Variants in LARGE1 observed in about 807,000 individuals in gnomAD.
LARGE1 encodes the protein LARGE xylosyl- and glucuronyltransferase 1.
LARGE1 carries 43 observed loss-of-function variants against 87.6 expected under a neutral mutation model. That is an observed-to-expected ratio of 0.49 (90% CI 0.38 to 0.63). The LOEUF is 0.63. LARGE1 is among the 30% of genes least tolerant of loss of function. The pLI, the probability that LARGE1 is intolerant of heterozygous loss-of-function variation, is 0.00. For missense variants in LARGE1, 802 were observed against 1,000.2 expected, an observed-to-expected ratio of 0.80 and a Z score of 2.67; for synonymous variants, 434 against 394.6, an observed-to-expected ratio of 1.10 and a Z score of -1.18.
At chr22:33,078,279 T>G in the LARGE1 span, among the ~76,000 whole-genome samples, 6 of 152,226 alleles carry the variant, frequency 3.9e-5, no homozygotes, top group Admixed American at 1.3e-4. Flanking sequence ...TTAGCCATAT[T>G]CATATGAGGC....
intron 12 of LARGE1, among the ~76,000 whole-genome samples, chr22:33,291,291 G>C (rs1053438666): frequency 6.6e-6 from 1 of 152,172 alleles, no homozygotes; most frequent in Non-Finnish European, 1.5e-5. Flanking sequence ...GGTCCAATCA[G>C]ACCCATCCTG....
At chr22:33,472,626 C>G (rs1308389984) in intron 6 of LARGE1, among the ~76,000 whole-genome samples, 1 of 152,182 alleles carries the variant, frequency 6.6e-6, no homozygotes, top group Non-Finnish European at 1.5e-5. Flanking sequence ...CCTCTCATGA[C>G]TTTCAAATGT....
chr22:33,188,054 C>T (rs899402305), intron 11 of LARGE1, among the ~76,000 whole-genome samples: 11 of 147,636 alleles, frequency 7.5e-5, no homozygotes, highest in East Asian at 2.1e-4. Flanking sequence ...CATTCCACAA[C>T]GTATGCATAT....
At chr22:33,409,191 T>C (rs2066216813) in intron 7 of LARGE1, among the ~76,000 whole-genome samples, 1 of 152,044 alleles carries the variant, frequency 6.6e-6, no homozygotes, top group Non-Finnish European at 1.5e-5. Context: ...AAATGTCAAA[T>C]ATGCAATAAA....
intron 6 of LARGE1, among the ~76,000 whole-genome samples, chr22:33,459,903 A>T (rs934552610): frequency 1.4e-4 from 21 of 152,340 alleles, no homozygotes; most frequent in African/African-American, 4.6e-4. Flanking sequence ...CCTGCTCTGT[A>T]AGCTGGTCCA....
chr22:33,858,845 G>A (rs369756948), intron 1 of LARGE1, among the ~76,000 whole-genome samples: 51 of 152,280 alleles, frequency 3.3e-4, no homozygotes, highest in African/African-American at 1.1e-3. Flanking sequence ...TACACACCAC[G>A]GAATACTATG....
intron 6 of LARGE1, 93 bp from the exon 7 acceptor site, chr22:33,432,358 CACA>C (rs1359174882): frequency 1.0e-5 from 9 of 902,814 alleles, no homozygotes; most frequent in Non-Finnish European, 1.5e-5. Context: ...GGCAAATCAT[CACA>C]ACAACAGTAT....
chr22:33,480,704 CA>C (rs1174709061), intron 6 of LARGE1, among the ~76,000 whole-genome samples: 1 of 151,876 alleles, frequency 6.6e-6, no homozygotes, highest in African/African-American at 2.4e-5. Context: ...TGAAAAAACA[CA>C]AAAAGAGTAA....
chr22:33,274,730 T>A, intron 14 of LARGE1, 106 bp from the exon 15 acceptor site: 1 of 988,668 alleles, frequency 1.0e-6, no homozygotes, highest in Non-Finnish European at 1.6e-6. Flanking sequence ...GACTTGATAA[T>A]GGCACCCACA....
At chr22:33,266,956 A>T (rs1927983055) in intron 11 of LARGE1, among the ~76,000 whole-genome samples, 2 of 151,502 alleles carry the variant, frequency 1.3e-5, no homozygotes, top group Non-Finnish European at 2.9e-5. Flanking sequence ...ATATCTTCTC[A>T]TGGCCAGTCA....
intron 10 of LARGE1, among the ~76,000 whole-genome samples, chr22:33,318,793 A>ATT (rs56279757): frequency 2.0e-5 from 3 of 148,158 alleles, no homozygotes; most frequent in East Asian, 3.9e-4. Flanking sequence ...GGCTGGTTCC[A>ATT]TTTTTTTTTT....
intron 11 of LARGE1, among the ~76,000 whole-genome samples, chr22:33,248,534 C>T (rs887575807): frequency 1.3e-5 from 2 of 152,146 alleles, no homozygotes; most frequent in Admixed American, 6.5e-5. Context: ...CCACAGTGGT[C>T]CATTGGTTAC....
intron 2 of LARGE1, chr22:33,750,610 G>A (rs1569425474): frequency 6.6e-6 from 1 of 151,714 alleles, no homozygotes; most frequent in East Asian, 1.9e-4. Flanking sequence ...CCAGGAATAA[G>A]GATTTTATGA....
chr22:33,490,598 A>G (rs2069795124), intron 6 of LARGE1, among the ~76,000 whole-genome samples: 1 of 152,230 alleles, frequency 6.6e-6, no homozygotes. Context: ...TTCTGATTTT[A>G]GTCTCCAACT....
chr22:33,846,422 G>A (rs1323266019), intron 1 of LARGE1, among the ~76,000 whole-genome samples: 9 of 152,044 alleles, frequency 5.9e-5, no homozygotes, highest in East Asian at 5.8e-4. Context: ...GATGTATGTC[G>A]CCTCAGGACC....
At chr22:33,780,901 G>A (rs1413390574) in intron 1 of LARGE1, among the ~76,000 whole-genome samples, 1 of 152,232 alleles carries the variant, frequency 6.6e-6, no homozygotes, top group Non-Finnish European at 1.5e-5. Context: ...TTAGACAGAT[G>A]TAGCACATAG....
chr22:33,186,927 G>A (rs531087815), intron 11 of LARGE1, among the ~76,000 whole-genome samples: 3 of 152,216 alleles, frequency 2.0e-5, no homozygotes, highest in African/African-American at 7.2e-5. Context: ...TTTTCTAAAT[G>A]TTCAAAGCCA....
At chr22:33,623,680 G>C (rs1054416957) in intron 4 of LARGE1, among the ~76,000 whole-genome samples, 3 of 141,886 alleles carry the variant, frequency 2.1e-5, no homozygotes, top group African/African-American at 7.9e-5. Context: ...AGGGTGAACT[G>C]ACACACAGCA....
At chr22:33,364,153 C>T (rs377540259) in intron 9 of LARGE1, among the ~76,000 whole-genome samples, 7,942 of 148,072 alleles carry the variant, frequency 0.054, 373 homozygotes, top group South Asian at 0.099. Context: ...CCCCCGGGTT[C>T]ACGCCATTCT....
Sources: gnomAD v4.1 joint callset for allele counts (sites outside exome capture counted in the v4.1 genomes callset) on GRCh38, gnomAD v4.1.1 for gene constraint, MANE v1.5 for transcripts, NCBI Gene and HGNC (gene_info 2026-07-23, HGNC 2026-07-21) for gene names.